Variants in CNIH3 observed in about 807,000 individuals in gnomAD.
CNIH3 encodes the protein protein cornichon homolog 3.
In CNIH3, 14 loss-of-function variants were observed where a neutral mutation model predicts 24.1. The ratio of observed to expected loss-of-function variants is 0.58; its 90% confidence interval spans 0.38 to 0.91. The LOEUF is 0.91. CNIH3 is among the 40% of genes least tolerant of loss of function. The pLI is 0.00. For missense variants in CNIH3, 178 were observed against 196.8 expected (o/e 0.90, Z 0.57); for synonymous variants, 68 against 73.8 (o/e 0.92, Z 0.40).
intron 1 of CNIH3, among the ~76,000 whole-genome samples, chr1:224,480,409 C>T (rs1676762060): frequency 6.6e-6 from 1 of 152,204 alleles, no homozygotes. Flanking sequence ...TAACATTAGG[C>T]TTCTCCTCAC....
Position 224,446,259 on chromosome 1 carries a change from C to CT in CNIH3, n.203+11400dup, listed in dbSNP as rs1308360744. Among the ~76,000 whole-genome samples the CT allele has an allele frequency of 4.3e-5, 6 of 139,974 alleles. No individual in the cohort carries two copies. In the South Asian group the frequency reaches 9.0e-4, roughly 21 times the overall value. 91.8% of individuals were successfully genotyped at this position (139,974 alleles called of 152,430 possible). ...AGTATTGTCTTGGCTATTCTGGGCCCTTTGCATTTCATATAAAGTATAGAC... is the reference window on the plus strand; with the variant it reads ...AGTATTGTCTTGGCTATTCTGGGCCCTTTTGCATTTCATATAAAGTATAGAC... On this transcript the variant is annotated intron_variant and non_coding_transcript_variant, in intron 1 of 5. Coordinates refer to the CNIH3 transcript ENST00000471578.
In CNIH3 at chr1:224,714,597, G is replaced by A. The variant is rs184951345; in HGVS notation, c.199-15865G>A. Among the ~76,000 whole-genome samples, 455 of 152,324 alleles carry A rather than the reference G, an allele frequency of 3.0e-3. 2 individuals are homozygous for A. Among genetic ancestry groups the A allele is most frequent in the South Asian group, 0.023 (113 of 4,816 alleles). On this transcript the variant is annotated intron_variant, in intron 3 of 5. Transcript: ENST00000272133. ...CACATTCCCTGTGCCGTGGTTTGAGGTGATATAAATTCTGCCAGGCCCAGG... is the reference window on the plus strand; with the variant it reads ...CACATTCCCTGTGCCGTGGTTTGAGATGATATAAATTCTGCCAGGCCCAGG...
intron 3 of CNIH3, among the ~76,000 whole-genome samples, chr1:224,610,035 T>C (rs1682610824): frequency 6.6e-6 from 1 of 152,214 alleles, no homozygotes; most frequent in Non-Finnish European, 1.5e-5. Context: ...ACCATTCTGT[T>C]TTTTCACTTT....
chr1:224,477,498 A>G (rs1162708890), intron 1 of CNIH3, among the ~76,000 whole-genome samples: 1 of 152,250 alleles, frequency 6.6e-6, no homozygotes, highest in African/African-American at 2.4e-5. Context: ...TGCTGCCTGC[A>G]TAAACAAACA....
intron 4 of CNIH3, chr1:224,574,508 A>G (rs2125005031): frequency 1.5e-6 from 1 of 680,544 alleles, no homozygotes; most frequent in South Asian, 1.7e-5. Context: ...ATTCCCCTCC[A>G]GGCCAGGTAA....
At chr1:224,496,616 G>T (rs1010748515) in intron 1 of CNIH3, among the ~76,000 whole-genome samples, 1 of 152,144 alleles carries the variant, frequency 6.6e-6, no homozygotes, top group African/African-American at 2.4e-5. Context: ...TCACAGACAG[G>T]TAGCGACTTA....
At chr1:224,737,917 T>C (rs549997700) in intron 5 of CNIH3, among the ~76,000 whole-genome samples, 1 of 152,364 alleles carries the variant, frequency 6.6e-6, no homozygotes, top group South Asian at 2.1e-4. Flanking sequence ...TAATACTAGC[T>C]AGTGAGCCCA....
chr1:224,548,772 T>C (rs986288252), intron 3 of CNIH3, among the ~76,000 whole-genome samples: 1 of 151,676 alleles, frequency 6.6e-6, no homozygotes, highest in African/African-American at 2.4e-5. Flanking sequence ...GTGTACACCC[T>C]GTGTGTACAC....
At chr1:224,542,716 G>A (rs1205886639) in intron 2 of CNIH3, among the ~76,000 whole-genome samples, 3 of 152,164 alleles carry the variant, frequency 2.0e-5, no homozygotes, top group African/African-American at 7.2e-5. Flanking sequence ...GACAGCCAAG[G>A]TGTCTTCCTA....
At chr1:224,585,530 T>C (rs918094977) in intron 5 of CNIH3, among the ~76,000 whole-genome samples, 1 of 152,078 alleles carries the variant, frequency 6.6e-6, no homozygotes, top group South Asian at 2.1e-4. Flanking sequence ...CCAGGCTGGA[T>C]TGCAGTGATG....
chr1:224,739,870 C>G lies in CNIH3; in HGVS notation c.*514C>G, dbSNP rs1046743203. ...GCCTTTCTTCCAAGCCATGGCCATG[C>G]CCTTTTTCTCAAATGGGAGGGGCTG... On this transcript the variant is annotated 3_prime_UTR_variant, in exon 6 of 6. Coordinates refer to ENST00000272133, the MANE Select transcript of CNIH3 (RefSeq NM_152495.2). 1.3e-5 allele frequency: 2 copies of G among 154,132 alleles called. No homozygotes were observed. Among genetic ancestry groups the G allele is most frequent in the African/African-American group, 4.8e-5 (2 of 41,588 alleles). The allele number at this position is 154,132 out of a possible 1,614,324, so 9.5% of individuals were successfully genotyped here.
At chr1:224,669,507 G>C (rs1161316326) in intron 1 of CNIH3, among the ~76,000 whole-genome samples, 1 of 152,116 alleles carries the variant, frequency 6.6e-6, no homozygotes, top group Non-Finnish European at 1.5e-5. Context: ...CCTCAGAGGG[G>C]CTCTGCCATG....
chr1:224,720,537 G>A (rs537488011), intron 3 of CNIH3, among the ~76,000 whole-genome samples: 1 of 152,284 alleles, frequency 6.6e-6, no homozygotes, highest in East Asian at 1.9e-4. Context: ...TGGGCTGGGT[G>A]GGCACCGTGG....
At chr1:224,631,348 A>G (rs1683811968) in intron 1 of CNIH3, among the ~76,000 whole-genome samples, 2 of 151,958 alleles carry the variant, frequency 1.3e-5, no homozygotes, top group South Asian at 2.1e-4. Flanking sequence ...TATTCTTTCA[A>G]GGTTTTGGTT....
chr1:224,597,056 G>A (rs113428958), intron 3 of CNIH3, among the ~76,000 whole-genome samples: 4 of 152,066 alleles, frequency 2.6e-5, no homozygotes, highest in African/African-American at 7.2e-5. Flanking sequence ...GGATGCTGAC[G>A]CAGGAGAATT....
chr1:224,631,705 C>T (rs1683828107), intron 1 of CNIH3, among the ~76,000 whole-genome samples: 1 of 152,170 alleles, frequency 6.6e-6, no homozygotes, highest in Non-Finnish European at 1.5e-5. Context: ...ATTTCCAGAG[C>T]ATCAGTCTTA....
At chr1:224,580,311 G>A (rs115234375) in intron 4 of CNIH3, among the ~76,000 whole-genome samples, 92 of 152,200 alleles carry the variant, frequency 6.0e-4, no homozygotes, top group Non-Finnish European at 1.3e-3. Flanking sequence ...TCCAGTTTCC[G>A]TTACCATTGT....
At chr1:224,516,284 C>G (rs59319739) in intron 1 of CNIH3, among the ~76,000 whole-genome samples, 38,230 of 142,476 alleles carry the variant, frequency 0.27, 6,228 homozygotes, top group African/African-American at 0.47. Context: ...ACTGCATTCC[C>G]GCCTGGCGAC....
chr1:224,592,154 G>A (rs1436844522), downstream of CNIH3, among the ~76,000 whole-genome samples: 1 of 151,824 alleles, frequency 6.6e-6, no homozygotes, highest in Admixed American at 6.6e-5. Context: ...TGTACGGTAT[G>A]TGTGTGTATG....
Sources: gnomAD v4.1 joint callset for allele counts (sites outside exome capture counted in the v4.1 genomes callset) on GRCh38, gnomAD v4.1.1 for gene constraint, MANE v1.5 for transcripts, NCBI Gene and HGNC (gene_info 2026-07-23, HGNC 2026-07-21) for gene names.